The following ZNRF1 variants were observed in gnomAD, a reference collection of about 807,000 sequenced individuals.
ZNRF1 encodes the protein E3 ubiquitin-protein ligase ZNRF1.
Under a neutral mutation model 18.4 loss-of-function variants are expected in ZNRF1, and 3 were observed. That is an observed-to-expected ratio of 0.16 (90% CI 0.07 to 0.42). ZNRF1 has a LOEUF of 0.42. ZNRF1 is among the 10% of genes least tolerant of loss of function. ZNRF1 has a pLI of 0.99. For synonymous variants in ZNRF1, 157 were observed against 144.2 expected (o/e 1.09, Z -0.64); for missense variants, 310 against 329.8 (o/e 0.94, Z 0.47).
At chr16:75,030,642 G>A (rs2035289312) in intron 1 of ZNRF1, among the ~76,000 whole-genome samples, 1 of 151,966 alleles carries the variant, frequency 6.6e-6, no homozygotes, top group Non-Finnish European at 1.5e-5. Context: ...ATTAGCAGTA[G>A]CTCTGTTTTC....
intron 1 of ZNRF1, among the ~76,000 whole-genome samples, chr16:75,027,094 T>G (rs2035234739): frequency 6.6e-6 from 1 of 151,802 alleles, no homozygotes; most frequent in Admixed American, 6.6e-5. Flanking sequence ...ACTCAGCCAG[T>G]GTTACATAGC....
chr16:75,033,467 T>A (rs2145352900), intron 1 of ZNRF1, among the ~76,000 whole-genome samples: 1 of 149,850 alleles, frequency 6.7e-6, no homozygotes, highest in East Asian at 2.0e-4. Context: ...TGAGACAGCG[T>A]CTCGCTCTGT....
chr16:74,999,066 G>C lies in ZNRF1; in HGVS notation c.-606G>C, dbSNP rs1050713580. 1 of 150,036 alleles carries C rather than the reference G, an allele frequency of 6.7e-6. No individual in the cohort carries two copies. The highest frequency in any genetic ancestry group is 2.4e-5 in the African/African-American group (1 of 41,146). The allele number at this position is 150,036 out of a possible 1,614,324, so 9.3% of individuals were successfully genotyped here. A position where few individuals can be genotyped will look rare whatever the true frequency, so the allele number is the denominator to read the frequency against. ...GAGGAGCGCCGGCGAGCGCAGCCCGGGACCGAGCGGGGCGGCGCGGCTGGC... is the reference window on the plus strand; with the variant it reads ...GAGGAGCGCCGGCGAGCGCAGCCCGCGACCGAGCGGGGCGGCGCGGCTGGC... On this transcript the variant is annotated 5_prime_UTR_variant, in exon 1 of 5. Transcript: ENST00000335325.
intron 1 of ZNRF1, among the ~76,000 whole-genome samples, chr16:75,012,510 G>C (rs1324151955): frequency 6.6e-6 from 1 of 152,146 alleles, no homozygotes; most frequent in Non-Finnish European, 1.5e-5. Flanking sequence ...ATATAAGGTC[G>C]TCTGTGCTCT....
chr16:75,033,729 G>A (rs972515837), intron 1 of ZNRF1, among the ~76,000 whole-genome samples: 6 of 152,084 alleles, frequency 3.9e-5, no homozygotes, highest in African/African-American at 1.2e-4. Flanking sequence ...CAGCTATTGT[G>A]CTTGGCCTAT....
intron 1 of ZNRF1, among the ~76,000 whole-genome samples, chr16:75,083,794 A>G (rs1374820743): frequency 6.6e-6 from 1 of 152,142 alleles, no homozygotes; most frequent in Non-Finnish European, 1.5e-5. Context: ...AAATGCACAG[A>G]GAAGTTATGG....
intron 2 of ZNRF1, 142 bp downstream of exon 2, chr16:75,093,809 G>T: frequency 3.1e-6 from 2 of 635,936 alleles, no homozygotes; most frequent in Admixed American, 5.1e-5. Flanking sequence ...TGGTGGTGAG[G>T]AAGTGGACTG....
chr16:75,087,480 G>C (rs571175559), intron 1 of ZNRF1, among the ~76,000 whole-genome samples: 102 of 152,212 alleles, frequency 6.7e-4, no homozygotes, highest in Non-Finnish European at 1.3e-3. Flanking sequence ...TCTCTGCTCA[G>C]CTCTTCTGGC....
intron 1 of ZNRF1, among the ~76,000 whole-genome samples, chr16:75,052,307 G>A (rs1280676010): frequency 1.3e-5 from 2 of 151,802 alleles, no homozygotes; most frequent in Non-Finnish European, 2.9e-5. Context: ...AGGCTGAGGT[G>A]GGAAAATTGC....
chr16:75,051,942 C>T (rs982740384), intron 1 of ZNRF1, among the ~76,000 whole-genome samples: 4 of 152,098 alleles, frequency 2.6e-5, no homozygotes, highest in African/African-American at 7.2e-5. Flanking sequence ...GTATACTTAT[C>T]TTTAAATATT....
chr16:75,094,711 C>T (rs1330038522), intron 2 of ZNRF1, among the ~76,000 whole-genome samples: 1 of 152,178 alleles, frequency 6.6e-6, no homozygotes, highest in East Asian at 1.9e-4. Context: ...CCAGAGCCCA[C>T]AGACTTCTCC....
At chr16:75,060,473 C>CTTTT (rs34182819) in intron 1 of ZNRF1, among the ~76,000 whole-genome samples, 4 of 70,240 alleles carry the variant, frequency 5.7e-5, no homozygotes, top group African/African-American at 1.1e-4. Flanking sequence ...CTCAGAAAAT[C>CTTTT]TTTTTTTTTT....
intron 1 of ZNRF1, among the ~76,000 whole-genome samples, chr16:75,067,072 T>C (rs2035814687): frequency 6.6e-6 from 1 of 152,194 alleles, no homozygotes; most frequent in Non-Finnish European, 1.5e-5. Flanking sequence ...ACCTGTTGCC[T>C]GGTCTGGGAA....
chr16:75,040,052 T>C (rs1462894380), intron 1 of ZNRF1, among the ~76,000 whole-genome samples: 62 of 128,516 alleles, frequency 4.8e-4, no homozygotes, highest in African/African-American at 1.7e-3. Context: ...CTTTTTTTTT[T>C]TTTTTTTTTT....
At chr16:75,089,857 A>G (rs2036115285) in intron 1 of ZNRF1, among the ~76,000 whole-genome samples, 1 of 152,192 alleles carries the variant, frequency 6.6e-6, no homozygotes, top group African/African-American at 2.4e-5. Flanking sequence ...CCTGCACTCA[A>G]GGAATCACGC....
intron 2 of ZNRF1, among the ~76,000 whole-genome samples, chr16:75,096,501 A>G (rs1310513992): frequency 1.3e-5 from 2 of 152,008 alleles, no homozygotes; most frequent in African/African-American, 4.8e-5. Context: ...TACCTTTTCT[A>G]ATTTAAAAAA....
intron 1 of ZNRF1, among the ~76,000 whole-genome samples, chr16:75,042,279 A>G (rs1321513113): frequency 6.6e-6 from 1 of 152,058 alleles, no homozygotes; most frequent in African/African-American, 2.4e-5. Context: ...TGCTTTTATG[A>G]ATGATGCTTT....
chr16:75,056,884 G>T (rs957345937), intron 1 of ZNRF1, among the ~76,000 whole-genome samples: 1 of 152,048 alleles, frequency 6.6e-6, no homozygotes, highest in Non-Finnish European at 1.5e-5. Flanking sequence ...TGATCCACCC[G>T]CCTTGGCCTC....
At chr16:75,031,904 T>C (rs1289220025) in intron 1 of ZNRF1, among the ~76,000 whole-genome samples, 2 of 152,142 alleles carry the variant, frequency 1.3e-5, no homozygotes, top group Non-Finnish European at 2.9e-5. Flanking sequence ...TTGAATCTTT[T>C]TGAGGAATTG....
Sources: allele counts gnomAD v4.1 joint callset (sites outside exome capture counted in the v4.1 genomes callset), GRCh38; gene constraint gnomAD v4.1.1; transcripts MANE v1.5; gene names NCBI Gene and HGNC (gene_info 2026-07-23, HGNC 2026-07-21).